The following COL4A5 variants were observed in gnomAD, a reference collection of about 807,000 sequenced individuals.
The protein encoded by COL4A5 is collagen type IV alpha 5 chain, also known as collagen alpha-5(IV) chain.
In COL4A5, 26 loss-of-function variants were observed where a neutral mutation model predicts 130.2. That is an observed-to-expected ratio of 0.20 (90% CI 0.15 to 0.28). The LOEUF is 0.28. COL4A5 is among the 10% of genes least tolerant of loss of function. COL4A5 has a pLI of 1.00. For missense variants in COL4A5, 1,131 were observed against 1,344.3 expected (o/e 0.84, Z 2.48); for synonymous variants, 496 against 439.6 (o/e 1.13, Z -1.60).
intron 1 of COL4A5, among the ~76,000 whole-genome samples, chrX:108,465,854 T>C (rs2064700853): frequency 9.0e-6 from 1 of 111,380 alleles, no homozygotes; most frequent in Non-Finnish European, 1.9e-5. Flanking sequence ...GTGAACAATT[T>C]AGTGACATTT....
At chrX:108,647,126 T>C (rs1204218228) in intron 36 of COL4A5, among the ~76,000 whole-genome samples, 4 of 110,702 alleles carry the variant, frequency 3.6e-5, no homozygotes, top group African/African-American at 1.3e-4. Flanking sequence ...AGAAAGTCAT[T>C]GGTAGCTTGA....
chrX:108,684,125 G>A (rs762964809), intron 47 of COL4A5, among the ~76,000 whole-genome samples: 1 of 111,371 alleles, frequency 9.0e-6, no homozygotes, highest in African/African-American at 3.3e-5. Flanking sequence ...GTGTTTAGAG[G>A]GAAACTTATA....
chrX:108,682,396 T>A (rs748539245), intron 47 of COL4A5, among the ~76,000 whole-genome samples: 5 of 111,983 alleles, frequency 4.5e-5, no homozygotes, highest in Non-Finnish European at 9.4e-5. Context: ...TTATAATCCT[T>A]TGGGTATATA....
At chrX:108,482,690 A>G (rs1182374061) in intron 1 of COL4A5, among the ~76,000 whole-genome samples, 2 of 111,747 alleles carry the variant, frequency 1.8e-5, no homozygotes, top group African/African-American at 6.5e-5. Context: ...AGTCACTCAC[A>G]TAAGAGCTTG....
At position 108,591,628 on chromosome X, in the gene COL4A5, A is replaced by G. The variant is rs1251270737; in HGVS notation, c.1407A>G (p.Gly469=). ...PGSPGDKGLQ[G]EQGVKGDKGD... ...CTCCAGGTGATAAAGGACTCCAAGG[A>G]GAACAAGGAGTGAAAGGTTTGATCT... The change falls in exon 21 of 53, where the codon GGA becomes GGG. Residue 469 remains glycine, a synonymous_variant. Coordinates refer to ENST00000328300, the MANE Select transcript of COL4A5 (RefSeq NM_033380.3). 1 of 1,201,894 alleles carries G rather than the reference A, an allele frequency of 8.3e-7. No homozygotes were observed. The highest frequency in any genetic ancestry group is 1.1e-6 in the Non-Finnish European group (1 of 886,629).
chrX:108,666,468 G>T (rs1018548139), intron 38 of COL4A5, 28 bp from the exon 39 acceptor site: 5 of 1,132,713 alleles, frequency 4.4e-6, no homozygotes, highest in Non-Finnish European at 6.0e-6. Flanking sequence ...GGAAAACTGG[G>T]TGTAACCTGC....
At chrX:108,461,664 G>A (rs1164837079) in intron 1 of COL4A5, among the ~76,000 whole-genome samples, 1 of 110,236 alleles carries the variant, frequency 9.1e-6, no homozygotes. Flanking sequence ...GCATGATCTC[G>A]GCTCACTGGA....
chrX:108,582,621 A>G (rs758535602), intron 16 of COL4A5: 7 of 347,835 alleles, frequency 2.0e-5, no homozygotes, highest in South Asian at 1.3e-4. Flanking sequence ...TTAAAATGCC[A>G]TAAATCTCTG....
At chrX:108,529,576 G>A (rs2065358617) in intron 1 of COL4A5, among the ~76,000 whole-genome samples, 1 of 111,177 alleles carries the variant, frequency 9.0e-6, no homozygotes, top group Non-Finnish European at 1.9e-5. Flanking sequence ...AATGTAAATG[G>A]ATTATATTTT....
At chrX:108,497,697 C>G (rs2065046520) in intron 1 of COL4A5, among the ~76,000 whole-genome samples, 1 of 111,845 alleles carries the variant, frequency 8.9e-6, no homozygotes, top group Non-Finnish European at 1.9e-5. Context: ...AGGAAATGCT[C>G]TGGACCTATT....
At chrX:108,548,764 A>G (rs2065705745) in intron 2 of COL4A5, among the ~76,000 whole-genome samples, 1 of 111,906 alleles carries the variant, frequency 8.9e-6, no homozygotes, top group Non-Finnish European at 1.9e-5. Flanking sequence ...TAGTGGAACA[A>G]TTATACGAAT....
intron 36 of COL4A5, among the ~76,000 whole-genome samples, chrX:108,637,214 A>G (rs1236481765): frequency 8.1e-5 from 9 of 110,681 alleles, no homozygotes; most frequent in African/African-American, 2.6e-4. Context: ...GATTACAGGC[A>G]TGAGCCACCA....
rs1309141366 is a variant in COL4A5 at position 108,440,104 on chromosome X, G to T, written c.-22G>T. ...CGGGAATTTCGTGCGGGTGCTGAAGGAGCTGCGGGAGCCGGAGAAGAATGA... is the reference window on the plus strand; with the variant it reads ...CGGGAATTTCGTGCGGGTGCTGAAGTAGCTGCGGGAGCCGGAGAAGAATGA... On this transcript the variant is annotated 5_prime_UTR_variant, in exon 1 of 53. Coordinates refer to ENST00000328300, the MANE Select transcript of COL4A5 (RefSeq NM_033380.3). 8.5e-7 allele frequency: 1 copy of T among 1,181,294 alleles called. No individual in the cohort carries two copies. The highest frequency in any genetic ancestry group is 1.1e-6 in the Non-Finnish European group (1 of 869,793).
chrX:108,522,755 G>T (rs28766389), intron 1 of COL4A5, among the ~76,000 whole-genome samples: 11,324 of 107,556 alleles, frequency 0.11, 1,289 homozygotes, highest in African/African-American at 0.34. Flanking sequence ...CACTTTCTTG[G>T]TAGTGTCCTT....
intron 1 of COL4A5, among the ~76,000 whole-genome samples, chrX:108,474,736 A>C (rs1035412562): frequency 8.9e-6 from 1 of 111,945 alleles, no homozygotes; most frequent in African/African-American, 3.2e-5. Flanking sequence ...TTATAGTTTC[A>C]GATCTTACAT....
intron 2 of COL4A5, among the ~76,000 whole-genome samples, chrX:108,550,590 G>T (rs1459635150): frequency 8.9e-6 from 1 of 111,890 alleles, no homozygotes; most frequent in East Asian, 2.8e-4. Context: ...AGCTAAAATT[G>T]TACTCAATGG....
In COL4A5 at chrX:108,455,098, C is replaced by A. The variant is rs187687164; in HGVS notation, c.81+14892C>A. On this transcript the variant is annotated intron_variant, in intron 1 of 52. Transcript: ENST00000328300. Reference sequence around the variant, plus strand: ...CCTCTTTGTAATCCCTCCCTTCCTACCCCCATCCTCCATCCCCAAATAACC... The same window carrying A: ...CCTCTTTGTAATCCCTCCCTTCCTAACCCCATCCTCCATCCCCAAATAACC... 7.8e-4 allele frequency among the ~76,000 whole-genome samples: 87 copies of A among 111,820 alleles called. 1 individual carries two copies. The highest frequency in any genetic ancestry group is 2.6e-3 in the African/African-American group (79 of 30,803).
intron 1 of COL4A5, among the ~76,000 whole-genome samples, chrX:108,481,789 T>A (rs1163582092): frequency 9.0e-6 from 1 of 111,621 alleles, no homozygotes; most frequent in Non-Finnish European, 1.9e-5. Context: ...AGATGAGCAA[T>A]TACAGGGCTC....
chrX:108,473,817 A>T (rs953062560), intron 1 of COL4A5, among the ~76,000 whole-genome samples: 7 of 104,631 alleles, frequency 6.7e-5, no homozygotes, highest in East Asian at 5.9e-4. Context: ...TTTTTAGTAG[A>T]GATGGGATTT....
Sources: gnomAD v4.1 joint callset for allele counts (sites outside exome capture counted in the v4.1 genomes callset) on GRCh38, gnomAD v4.1.1 for gene constraint, MANE v1.5 for transcripts, NCBI Gene and HGNC (gene_info 2026-07-23, HGNC 2026-07-21) for gene names.